C6orf132: variants seen among roughly 807,000 people sequenced by gnomAD.
C6orf132 encodes the protein uncharacterized protein C6orf132.
In C6orf132, 43 loss-of-function variants were observed where a neutral mutation model predicts 65.3. That is an observed-to-expected ratio of 0.66 (90% confidence interval 0.52 to 0.85). C6orf132 has a LOEUF of 0.85. C6orf132 is among the 40% of genes least tolerant of loss of function. The probability of loss-of-function intolerance (pLI) is 0.00; values close to 1 mark genes in which losing one functional copy is unlikely to be tolerated. For missense variants in C6orf132, 1,488 were observed against 1,548.8 expected (o/e 0.96, Z 0.66); for synonymous variants, 631 against 654.1 (o/e 0.96, Z 0.54).
At chr6:42,108,546 C>A (rs1237117343) in intron 3 of C6orf132, among the ~76,000 whole-genome samples, 2 of 152,208 alleles carry the variant, frequency 1.3e-5, no homozygotes, top group Admixed American at 1.3e-4. Context: ...GAGCAATTTG[C>A]ACAAACTACT....
chr6:42,106,789 T>C lies in C6orf132; in HGVS notation c.1123A>G (p.Arg375Gly), dbSNP rs1452252171. 1.3e-6 allele frequency: 2 copies of C among 1,534,388 alleles called. No homozygotes were observed. Among genetic ancestry groups the C allele is most frequent in the Non-Finnish European group, 1.7e-6 (2 of 1,146,690 alleles). ...ELKATAPASPRLGQSQSQADE... is the reference protein window; with the variant it reads ...ELKATAPASPGLGQSQSQADE... ...GCTTGGGACTGGGACTGGCCAAGCCTTGGGCTGGCTGGTGCTGTGGCCTTG... is the reference window on the plus strand; with the variant it reads ...GCTTGGGACTGGGACTGGCCAAGCCCTGGGCTGGCTGGTGCTGTGGCCTTG... Residue 375 changes from arginine to glycine, a missense_variant, in exon 4 of 5, where the codon AGG (arginine) becomes GGG (glycine). Physicochemically the swap from Arg to Gly is moderately radical, Grantham distance 125 (BLOSUM62 -2). Transcript: ENST00000341865.
In C6orf132 at chr6:42,115,851, C is replaced by G. The variant is rs188058674; in HGVS notation, c.253-5560G>C. ...CCAATCTTAACAGTAGGAACAACAG[C>G]TGCTACTTGGCCAGCACTTATTCTG... On this transcript the variant is annotated intron_variant, in intron 2 of 4. Coordinates refer to ENST00000341865, the MANE Select transcript of C6orf132 (RefSeq NM_001164446.3). Among the ~76,000 whole-genome samples the G allele has an allele frequency of 4.7e-3, 710 of 151,762 alleles. 3 individuals carry two copies. Among genetic ancestry groups the G allele is most frequent in the Middle Eastern group, 6.8e-3 (2 of 294 alleles).
chr6:42,117,526 C>T (rs1250782735), intron 2 of C6orf132, among the ~76,000 whole-genome samples: 2 of 152,086 alleles, frequency 1.3e-5, no homozygotes, highest in Non-Finnish European at 2.9e-5. Context: ...CTTGAGGGCT[C>T]GGTGATGGCT....
chr6:42,110,071 AGATGACTGAGGATG>A, intron 3 of C6orf132, 131 bp downstream of exon 3: 1 of 656,294 alleles, frequency 1.5e-6, no homozygotes, highest in East Asian at 3.1e-5. Context: ...CCAGTAATCA[AGATGACTGAGGATG>A]GCGAGAGTGG....
At chr6:42,126,856 A>AG in intron 2 of C6orf132, 1 of 459,078 alleles carries the variant, frequency 2.2e-6, no homozygotes. Context: ...GCAAAAAAAA[A>AG]AAAAAAGAAT....
intron 2 of C6orf132, chr6:42,126,829 A>G (rs1404953364): frequency 1.1e-5 from 5 of 454,894 alleles, no homozygotes; most frequent in Non-Finnish European, 1.9e-5. Flanking sequence ...CTGGGCAACA[A>G]GAATGAAACT....
intron 2 of C6orf132, among the ~76,000 whole-genome samples, chr6:42,121,932 G>C (rs1766692225): frequency 6.6e-6 from 1 of 152,206 alleles, no homozygotes; most frequent in Non-Finnish European, 1.5e-5. Flanking sequence ...ATGAAGCCCA[G>C]CCAGTTGTTT....
chr6:42,135,379 C>G (rs932144967), intron 1 of C6orf132, among the ~76,000 whole-genome samples: 1 of 152,214 alleles, frequency 6.6e-6, no homozygotes, highest in Non-Finnish European at 1.5e-5. Context: ...GCAGACCTGG[C>G]TCTCTCAGCC....
intron 2 of C6orf132, among the ~76,000 whole-genome samples, chr6:42,119,641 C>A (rs1766647900): frequency 1.3e-5 from 2 of 151,946 alleles, no homozygotes; most frequent in African/African-American, 4.8e-5. Flanking sequence ...GCCACTGCAC[C>A]CAGCCTGTCC....
At chr6:42,115,083 G>A (rs1279306966) in intron 2 of C6orf132, among the ~76,000 whole-genome samples, 2 of 150,152 alleles carry the variant, frequency 1.3e-5, no homozygotes, top group African/African-American at 2.5e-5. Flanking sequence ...GGCAGATCAC[G>A]AGGTCAGGAG....
chr6:42,138,881 A>ACACACACACT (rs1485745834), intron 1 of C6orf132, among the ~76,000 whole-genome samples: 1 of 150,646 alleles, frequency 6.6e-6, no homozygotes, highest in Non-Finnish European at 1.5e-5. Context: ...ACACACACAC[A>ACACACACACT]CTCGTGTGGC....
In C6orf132 at chr6:42,103,693, C is replaced by G. The variant is rs1294316661; in HGVS notation, c.*68G>C. The G allele has an allele frequency of 1.8e-5, 19 of 1,071,226 alleles. No homozygotes were observed. In the South Asian group the frequency reaches 2.8e-4, roughly 16 times the overall value. 66.4% of individuals were successfully genotyped at this position (1,071,226 alleles called of 1,614,324 possible). On this transcript the variant is annotated 3_prime_UTR_variant, in exon 5 of 5. Transcript: ENST00000341865. Reference sequence around the variant, plus strand: ...CACCTGCTGTGTACCTCCCACCCCCCACAAGAAACAAGTGCCCAGATCCTT... The same window carrying G: ...CACCTGCTGTGTACCTCCCACCCCCGACAAGAAACAAGTGCCCAGATCCTT...
intron 2 of C6orf132, among the ~76,000 whole-genome samples, chr6:42,128,007 C>G (rs1766791833): frequency 6.6e-6 from 1 of 151,150 alleles, no homozygotes. Flanking sequence ...TCACTGCAAG[C>G]TCCGCCTCCT....
chr6:42,104,400 C>T lies in C6orf132; in HGVS notation c.3449+63G>A, dbSNP rs1465698575. ...TTCTCTTGACGGATGGCCGGGACTC[C>T]TTGGCCCTCGCCTGGCTTTCCACCC... On this transcript the variant is annotated intron_variant, in intron 4 of 4. Transcript: ENST00000341865. This position sits in a 1 kb window ranked among gnomAD's most constrained non-coding sequence, Gnocchi z 4.1. 1 of 1,227,552 alleles carries T rather than the reference C, an allele frequency of 8.1e-7. No homozygotes were observed. The highest frequency in any genetic ancestry group is 1.0e-6 in the Non-Finnish European group (1 of 985,656). 76.0% of individuals were successfully genotyped at this position (1,227,552 alleles called of 1,614,324 possible). A position where few individuals can be genotyped will look rare whatever the true frequency, so the allele number is the denominator to read the frequency against.
rs1472797532 is a variant in C6orf132 at position 42,103,886 on chromosome 6, A to G, written c.3450-8T>C. On this transcript the variant is annotated splice_region_variant and splice_polypyrimidine_tract_variant and intron_variant, in intron 4 of 4. Transcript: ENST00000341865. Reference sequence around the variant, plus strand: ...GTGGTGGTGTAGGGAGACCTGGGGGAGAGCAAGAGATGTGAGGTGAATATC... The same window carrying G: ...GTGGTGGTGTAGGGAGACCTGGGGGGGAGCAAGAGATGTGAGGTGAATATC... 2 of 1,416,704 alleles carry G rather than the reference A, an allele frequency of 1.4e-6. No homozygotes were observed. Among genetic ancestry groups the G allele is most frequent in the East Asian group, 2.9e-5 (1 of 35,012 alleles). The allele number at this position is 1,416,704 out of a possible 1,614,324, so 87.8% of individuals were successfully genotyped here.
At chr6:42,110,478 A>G (rs1047387669) in intron 2 of C6orf132, among the ~76,000 whole-genome samples, 187 bp from the exon 3 acceptor site, 8 of 152,210 alleles carry the variant, frequency 5.3e-5, no homozygotes, top group Admixed American at 2.0e-4. Flanking sequence ...CAGTCAACCA[A>G]TCATCACTAT....
chr6:42,128,897 T>C (rs1317585188), intron 1 of C6orf132, 119 bp from the exon 2 acceptor site: 1 of 697,140 alleles, frequency 1.4e-6, no homozygotes, highest in Non-Finnish European at 2.5e-6. Flanking sequence ...TCTCCCAGTG[T>C]TGGATTCAGC....
Position 42,115,003 on chromosome 6 carries a change from C to A in C6orf132, c.253-4712G>T, listed in dbSNP as rs568814520. On this transcript the variant is annotated intron_variant, in intron 2 of 4. Transcript: ENST00000341865. Reference sequence around the variant, plus strand: ...CCTGGGCGACAGAGAGAGACTCTGTCTCAAAAAAAAAAAAAAGCCGGGCAT... The same window carrying A: ...CCTGGGCGACAGAGAGAGACTCTGTATCAAAAAAAAAAAAAAGCCGGGCAT... 1.8e-3 allele frequency among the ~76,000 whole-genome samples: 232 copies of A among 127,782 alleles called. 3 individuals are homozygous for A. Among genetic ancestry groups the A allele is most frequent in the African/African-American group, 6.9e-3 (209 of 30,168 alleles). The allele number at this position is 127,782 out of a possible 152,430, so 83.8% of individuals were successfully genotyped here.
chr6:42,129,795 T>G (rs1181164035), intron 1 of C6orf132, among the ~76,000 whole-genome samples: 2 of 152,258 alleles, frequency 1.3e-5, no homozygotes, highest in African/African-American at 4.8e-5. Flanking sequence ...GTGGAGGACT[T>G]TCCTCGATAG....
Sources: gnomAD v4.1 joint callset for allele counts (sites outside exome capture counted in the v4.1 genomes callset) on GRCh38, gnomAD v4.1.1 for gene constraint, Gnocchi (gnomAD v3.1) non-coding constraint, MANE v1.5 for transcripts, NCBI Gene and HGNC (gene_info 2026-07-23, HGNC 2026-07-21) for gene names.